Variants in WNK2 observed in about 807,000 individuals in gnomAD.
WNK2 encodes the protein WNK lysine deficient protein kinase 2.
WNK2 carries 67 observed loss-of-function variants against 192.1 expected under a neutral mutation model. That is an observed-to-expected ratio of 0.35 (90% CI 0.29 to 0.43). The LOEUF (loss-of-function observed/expected upper bound fraction) is 0.43. Among genes scored for constraint, WNK2 ranks in the 20% least tolerant of loss-of-function variants. The pLI, the probability that WNK2 is intolerant of heterozygous loss-of-function variation, is 1.00. For missense variants in WNK2, 2,698 were observed against 3,089.7 expected, an observed-to-expected ratio of 0.87 and a Z score of 3.01; for synonymous variants, 1,439 against 1,393.9, an observed-to-expected ratio of 1.03 and a Z score of -0.72.
At position 93,289,049 on chromosome 9, in the gene WNK2, C is replaced by T. The variant is rs373618412; in HGVS notation, c.4295C>T (p.Thr1432Met). Residue 1432 changes from threonine (T) to methionine (M), a missense_variant, in exon 20 of 30, where the codon ACG becomes ATG. This residue lies in a region of WNK2 where 1,098 missense variants were observed against 1,101.0 expected (regional missense o/e 1.00). Transcript: ENST00000427277. ...TPQGLTSELE[T>M]SQPLAETHEA... Reference sequence around the variant, plus strand: ...CAGGGGCTGACCAGTGAGCTCGAGACGTCTCAGCCACTAGCGGAGACTCAC... The same window carrying T: ...CAGGGGCTGACCAGTGAGCTCGAGATGTCTCAGCCACTAGCGGAGACTCAC... 45 of 1,605,032 alleles carry T rather than the reference C, an allele frequency of 2.8e-5. No individual in the cohort carries two copies. Among genetic ancestry groups the T allele is most frequent in the African/African-American group, 1.1e-4 (8 of 74,770 alleles).
intron 6 of WNK2, among the ~76,000 whole-genome samples, chr9:93,238,889 T>C (rs1840266527): frequency 6.6e-6 from 1 of 152,040 alleles, no homozygotes; most frequent in South Asian, 2.1e-4. Context: ...TGGGGGTGCT[T>C]CCTCAGCCTT....
rs376825012 is a variant in WNK2 at position 93,262,830 on chromosome 9, C to G, written c.3410+111C>G. 2.4e-6 allele frequency: 3 copies of G among 1,253,346 alleles called. No individual in the cohort carries two copies. The East Asian group carries it at 7.3e-5, about 30-fold the overall frequency. The allele number at this position is 1,253,346 out of a possible 1,614,324, so 77.6% of individuals were successfully genotyped here. Reference sequence around the variant, plus strand: ...CCCCTGGAACCCACTATAGTTTGCCCTGATGCCATTAGGGGTTTTTCAAAC... The same window carrying G: ...CCCCTGGAACCCACTATAGTTTGCCGTGATGCCATTAGGGGTTTTTCAAAC... On this transcript the variant is annotated intron_variant, in intron 14 of 29. Coordinates refer to ENST00000427277, the MANE Select transcript of WNK2 (RefSeq NM_006648.4).
intron 19 of WNK2, 146 bp from the exon 20 acceptor site, chr9:93,288,642 G>A (rs1195946299): frequency 2.4e-6 from 2 of 846,112 alleles, no homozygotes; most frequent in Admixed American, 3.1e-5. Flanking sequence ...CTGCAGGCAG[G>A]CAGGAGCCTG....
chr9:93,194,968 G>A (rs1280516912), intron 2 of WNK2, among the ~76,000 whole-genome samples: 1 of 151,476 alleles, frequency 6.6e-6, no homozygotes, highest in Non-Finnish European at 1.5e-5. Flanking sequence ...GCTGCATATT[G>A]TATGATTCCA....
chr9:93,245,617 A>G (rs572471853), intron 7 of WNK2, among the ~76,000 whole-genome samples: 25 of 152,326 alleles, frequency 1.6e-4, no homozygotes, highest in Non-Finnish European at 3.2e-4. Context: ...TTGCAACTGT[A>G]CGTGTCTCAT....
chr9:93,292,478 C>T lies in WNK2; in HGVS notation c.5026-13C>T. 6.2e-7 allele frequency: 1 copy of T among 1,607,618 alleles called. No homozygotes were observed. On this transcript the variant is annotated splice_polypyrimidine_tract_variant and intron_variant, in intron 22 of 29. Coordinates refer to ENST00000427277, the MANE Select transcript of WNK2 (RefSeq NM_006648.4). ...TTCACATGAAACCTCTTCATCTCCG[C>T]TTGTTTCCCAAGGATGTACCTGCTT...
intron 27 of WNK2, 65 bp downstream of exon 27, chr9:93,306,886 A>G (rs952589624): frequency 6.2e-7 from 1 of 1,609,288 alleles, no homozygotes; most frequent in Admixed American, 1.7e-5. Flanking sequence ...TGGCTAGCGC[A>G]CATCAGGGTT....
At position 93,185,392 on chromosome 9, in the gene WNK2, G is replaced by A. The variant is rs767238507; in HGVS notation, c.463G>A (p.Asp155Asn). Residue 155 changes from aspartate to asparagine, a missense_variant, in exon 2 of 30, where the codon GAT becomes AAT. Physicochemically the swap from Asp to Asn is conservative, Grantham distance 23 (BLOSUM62 1). Around this residue, in one of 7 missense-constraint regions of WNK2, gnomAD observed 260 missense variants for 285.6 expected, o/e 0.91. Transcript: ENST00000427277. ...GGCGGCGGCGACCGTGAGGAAGGAG[G>A]ATGAGGGGGCGGCCGAGGCGAAGCC... Reference protein sequence around the residue: ...EEAAATVRKEDEGAAEAKPEP... With the variant: ...EEAAATVRKENEGAAEAKPEP... 5.0e-6 allele frequency: 8 copies of A among 1,600,914 alleles called. No homozygotes were observed. Among genetic ancestry groups the A allele is most frequent in the Non-Finnish European group, 6.8e-6 (8 of 1,175,304 alleles).
chr9:93,256,789 C>T (rs1445113467), intron 10 of WNK2, 159 bp from the exon 11 acceptor site: 23 of 732,370 alleles, frequency 3.1e-5, no homozygotes, highest in Admixed American at 3.0e-5. Context: ...AATGTGTATA[C>T]GTGTGACTGT....
intron 8 of WNK2, among the ~76,000 whole-genome samples, chr9:93,248,780 A>G (rs1476459801): frequency 6.6e-6 from 1 of 152,204 alleles, no homozygotes; most frequent in Non-Finnish European, 1.5e-5. Context: ...CTGTGCCCTC[A>G]ACATCCTAAG....
chr9:93,203,449 T>C (rs115145286), intron 2 of WNK2, among the ~76,000 whole-genome samples: 6,174 of 152,172 alleles, frequency 0.041, 381 homozygotes, highest in African/African-American at 0.14. Flanking sequence ...AACAGGCAGC[T>C]CTGGGGAGCC....
chr9:93,289,536 C>A lies in WNK2; in HGVS notation c.4782C>A (p.Arg1594=), dbSNP rs750319316. The A allele has an allele frequency of 6.3e-7, 1 of 1,584,900 alleles. No homozygotes were observed. The highest frequency in any genetic ancestry group is 1.1e-5 in the South Asian group (1 of 89,374). The change falls in exon 20 of 30, where the codon CGC becomes CGA. Residue 1594 remains arginine (R), a synonymous_variant. Coordinates refer to ENST00000427277, the MANE Select transcript of WNK2 (RefSeq NM_006648.4). ...TLEPLRGDQP[R]SEVCGGDLAL... ...AGCCCCTGAGAGGGGACCAGCCCCG[C>A]TCAGAGGTCTGCGGGGGGGACCTGG...
At position 93,229,889 on chromosome 9, in the gene WNK2, G is replaced by T. The variant is rs1192155338; in HGVS notation, c.854+21G>T. On this transcript the variant is annotated intron_variant, in intron 3 of 29. Coordinates refer to ENST00000427277, the MANE Select transcript of WNK2 (RefSeq NM_006648.4). The surrounding 1 kb of genome is among the most constrained non-coding windows in gnomAD (Gnocchi z 4.9). ...AAGACGTAAGCTCCGCTTCCTGAGG[G>T]CTGGGGCGGGTCCTGGCATGGGTGC... 1.2e-6 allele frequency: 2 copies of T among 1,608,798 alleles called. No homozygotes were observed. Among genetic ancestry groups the T allele is most frequent in the South Asian group, 2.2e-5 (2 of 90,674 alleles).
At chr9:93,246,282 TCTC>T (rs1326309801) in intron 7 of WNK2, among the ~76,000 whole-genome samples, 2 of 152,084 alleles carry the variant, frequency 1.3e-5, no homozygotes, top group Admixed American at 6.5e-5. Context: ...ATCCTGTCCT[TCTC>T]CTGCCCAGCC....
chr9:93,198,907 G>T (rs1467977397), intron 2 of WNK2, among the ~76,000 whole-genome samples: 1 of 152,150 alleles, frequency 6.6e-6, no homozygotes, highest in Non-Finnish European at 1.5e-5. Flanking sequence ...GGCAGCTTTG[G>T]TGCAGTCTCG....
Position 93,229,232 on chromosome 9 carries a change from C to T in WNK2, c.682-464C>T, listed in dbSNP as rs1838327560. 6.6e-6 allele frequency among the ~76,000 whole-genome samples: 1 copy of T among 152,136 alleles called. No homozygotes were observed. The highest frequency in any genetic ancestry group is 1.5e-5 in the Non-Finnish European group (1 of 68,030). ...CTCTGCTAGGGCTTTTCTCTTCCCT[C>T]CATTCTCAGCTCTTATCTCAGTCAC... is the stretch of plus-strand genomic sequence containing the variant. On this transcript the variant is annotated intron_variant, in intron 2 of 29. Transcript: ENST00000427277. The surrounding 1 kb of genome is among the most constrained non-coding windows in gnomAD (Gnocchi z 4.9).
In WNK2 at chr9:93,185,461, G is replaced by A. The variant is rs550974167; in HGVS notation, c.532G>A (p.Asp178Asn). 5 of 1,612,002 alleles carry A rather than the reference G, an allele frequency of 3.1e-6. No individual in the cohort carries two copies. The highest frequency in any genetic ancestry group is 2.7e-5 in the African/African-American group (2 of 74,756). Residue 178 changes from aspartate (D) to asparagine (N), a missense_variant, in exon 2 of 30, where the codon GAC (aspartate) becomes AAC (asparagine). By Grantham distance (23) the Asp-to-Asn change is conservative. This residue lies in a region of WNK2 where 260 missense variants were observed against 285.6 expected (regional missense o/e 0.91). Transcript: ENST00000427277. ...TRRDEPEEEE[D>N]DEDDLKAVAT... ...CCGGGACGAGCCCGAAGAGGAGGAG[G>A]ACGACGAGGACGACCTCAAGGCCGT...
At chr9:93,279,815 CTTT>C (rs1335882154) in intron 19 of WNK2, among the ~76,000 whole-genome samples, 1 of 152,120 alleles carries the variant, frequency 6.6e-6, no homozygotes, top group East Asian at 1.9e-4. Flanking sequence ...TGAGGACAGT[CTTT>C]TCAGCTTTGT....
intron 2 of WNK2, among the ~76,000 whole-genome samples, chr9:93,202,444 G>A (rs887843199): frequency 2.0e-5 from 3 of 152,024 alleles, no homozygotes; most frequent in Admixed American, 2.0e-4. Context: ...AGCCCTTTGA[G>A]TTGACCTCAC....
Sources: gnomAD v4.1 joint callset for allele counts (sites outside exome capture counted in the v4.1 genomes callset) on GRCh38, gnomAD v4.1.1 for gene constraint, gnomAD v4.1.1 regional missense constraint, Gnocchi (gnomAD v3.1) non-coding constraint, MANE v1.5 for transcripts, NCBI Gene and HGNC (gene_info 2026-07-23, HGNC 2026-07-21) for gene names.